FBXO48: variants seen among roughly 807,000 people sequenced by gnomAD.
The protein encoded by FBXO48 is F-box protein 48.
Under a neutral mutation model 14.3 loss-of-function variants are expected in FBXO48, and 12 were observed. The ratio of observed to expected loss-of-function variants is 0.84; its 90% CI spans 0.54 to 1.36. The LOEUF (loss-of-function observed/expected upper bound fraction) is 1.36. Ranked by LOEUF, FBXO48 falls within the 40% of genes most tolerant of loss-of-function variation. FBXO48 has a pLI of 0.00. For synonymous variants in FBXO48, 53 were observed against 61.7 expected (o/e 0.86, Z 0.66); for missense variants, 177 against 179.1 (o/e 0.99, Z 0.07).
rs1480612329 is a variant in FBXO48, at chr2:68,463,736, TAA to T, written c.*471_*472del. Reference sequence around the variant, plus strand: ...TCTGATTCCACTGAAATAGAAATGTTAAAGTCATTAAAATGTCAATGTATTAA... The same window carrying T: ...TCTGATTCCACTGAAATAGAAATGTTAGTCATTAAAATGTCAATGTATTAA... On this transcript the variant is annotated 3_prime_UTR_variant, in exon 4 of 4. Coordinates refer to ENST00000377957, the MANE Select transcript of FBXO48 (RefSeq NM_001024680.3). 1 of 153,946 alleles carries T rather than the reference TAA, an allele frequency of 6.5e-6. No individual in the cohort carries two copies. The highest frequency in any genetic ancestry group is 2.4e-5 in the African/African-American group (1 of 41,460). 9.5% of individuals were successfully genotyped at this position (153,946 alleles called of 1,614,324 possible). A position where few individuals can be genotyped will look rare whatever the true frequency, so the allele number is the denominator to read the frequency against.
Position 68,460,542 on chromosome 2 carries a change from A to G in FBXO48, c.*3667T>C. On this transcript the variant is annotated 3_prime_UTR_variant, in exon 4 of 4. Coordinates refer to ENST00000377957, the MANE Select transcript of FBXO48 (RefSeq NM_001024680.3). ...TTTGGATATATCAAATATTTTATATATATATATATATACTTATACTATCTT... is the reference window on the plus strand; with the variant it reads ...TTTGGATATATCAAATATTTTATATGTATATATATATACTTATACTATCTT... The G allele has an allele frequency of 6.6e-6, 1 of 150,376 alleles. No homozygotes were observed. Among genetic ancestry groups the G allele is most frequent in the African/African-American group, 2.4e-5 (1 of 41,254 alleles). 9.3% of individuals were successfully genotyped at this position (150,376 alleles called of 1,614,324 possible).
Position 68,459,741 on chromosome 2 carries a change from C to G in FBXO48, c.*4468G>C, listed in dbSNP as rs1051895762. On this transcript the variant is annotated 3_prime_UTR_variant, in exon 4 of 4. Coordinates refer to ENST00000377957, the MANE Select transcript of FBXO48 (RefSeq NM_001024680.3). ...CACAAAAATAAATAAAAAATGGTCC[C>G]TGCCATTAAGAAGTTCACAGTGTAA... is the stretch of plus-strand genomic sequence containing the variant. 2.6e-5 allele frequency: 4 copies of G among 151,970 alleles called. No homozygotes were observed. The highest frequency in any genetic ancestry group is 9.7e-5 in the African/African-American group (4 of 41,342). 9.4% of individuals were successfully genotyped at this position (151,970 alleles called of 1,614,324 possible).
Position 68,464,116 on chromosome 2 carries a change from C to A in FBXO48, c.*93G>T. The A allele has an allele frequency of 9.1e-7, 1 of 1,095,638 alleles. No homozygotes were observed. The highest frequency in any genetic ancestry group is 1.8e-5 in the South Asian group (1 of 56,456). The allele number at this position is 1,095,638 out of a possible 1,614,324, so 67.9% of individuals were successfully genotyped here. A position where few individuals can be genotyped will look rare whatever the true frequency, so the allele number is the denominator to read the frequency against. On this transcript the variant is annotated 3_prime_UTR_variant, in exon 4 of 4. Transcript: ENST00000377957. ...CATTTTCTTTTAAAAAGGTGAACAA[C>A]AAAATGAACGAATAAAGATATCGCT...
chr2:68,466,722 G>T (rs566414699), intron 1 of FBXO48, among the ~76,000 whole-genome samples: 2 of 152,292 alleles, frequency 1.3e-5, no homozygotes, highest in African/African-American at 4.8e-5. Context: ...TAACGGGAAT[G>T]AAGGCTTTTG....
In FBXO48 at chr2:68,460,584, A is replaced by C. The variant is rs566422616; in HGVS notation, c.*3625T>G. 2.7e-4 allele frequency: 41 copies of C among 151,748 alleles called. No individual in the cohort carries two copies. The East Asian group carries it at 4.6e-3, about 17-fold the overall frequency. The allele number at this position is 151,748 out of a possible 1,614,324, so 9.4% of individuals were successfully genotyped here. On this transcript the variant is annotated 3_prime_UTR_variant, in exon 4 of 4. Coordinates refer to ENST00000377957, the MANE Select transcript of FBXO48 (RefSeq NM_001024680.3). ...TACTATCTTTGGATAAAAATCCAAA[A>C]GATAATAGCATATGTATTTCTGGAA...
At chr2:68,466,955 G>A (rs911069707) in intron 1 of FBXO48, among the ~76,000 whole-genome samples, 2 of 152,142 alleles carry the variant, frequency 1.3e-5, no homozygotes, top group African/African-American at 4.8e-5. Flanking sequence ...GGAGGGGCGG[G>A]GAGCCCCACT....
rs1675258362 is a variant in FBXO48, at chr2:68,461,307, T to TTTTTTTTA, written c.*2901_*2902insTAAAAAAA. The TTTTTTTTA allele has an allele frequency of 6.9e-6, 1 of 145,362 alleles. No homozygotes were observed. The highest frequency in any genetic ancestry group is 2.7e-5 in the African/African-American group (1 of 37,482). The allele number at this position is 145,362 out of a possible 1,614,324, so 9.0% of individuals were successfully genotyped here. A position where few individuals can be genotyped will look rare whatever the true frequency, so the allele number is the denominator to read the frequency against. On this transcript the variant is annotated 3_prime_UTR_variant, in exon 4 of 4. Transcript: ENST00000377957. ...GTTTTCTTTTTTTTTTTTTTTTTTT[T>TTTTTTTTA]GAGACGGAGTCTCGCTCTGTCGCCC...
Position 68,464,891 on chromosome 2 carries a change from A to AC in FBXO48, c.254_255insG (p.Val86CysfsTer8), listed in dbSNP as rs1343890331. ...CATCATCTATTTCTCTTCGGCACAC[A>AC]GCTCTTACAGTCATGCAGTGAGGTT... On this transcript the variant is annotated frameshift_variant, in exon 3 of 4. Transcript: ENST00000377957. LOFTEE classifies it high-confidence loss of function. 1 of 1,613,678 alleles carries AC rather than the reference A, an allele frequency of 6.2e-7. No individual in the cohort carries two copies. Among genetic ancestry groups the AC allele is most frequent in the Non-Finnish European group, 8.5e-7 (1 of 1,180,008 alleles).
At position 68,464,218 on chromosome 2, in the gene FBXO48, C is replaced by T. The variant is rs753536356; in HGVS notation, c.459G>A (p.Leu153=). 32 of 1,613,196 alleles carry T rather than the reference C, an allele frequency of 2.0e-5. No individual in the cohort carries two copies. Among genetic ancestry groups the T allele is most frequent in the Middle Eastern group, 3.3e-4 (2 of 6,056 alleles). The change falls in exon 4 of 4, where the codon CTG becomes CTA. Residue 153 remains leucine, a synonymous_variant. Coordinates refer to ENST00000377957, the MANE Select transcript of FBXO48 (RefSeq NM_001024680.3). ...DTWGEILEAE[L]ER is the part of the protein sequence containing the mutation. ...GTGATTTTTTTTCCCCTTATCTTTC[C>T]AGTTCTGCTTCTAGAATTTCCCCCC...
intron 3 of FBXO48, among the ~76,000 whole-genome samples, 173 bp from the exon 4 acceptor site, chr2:68,464,543 T>A (rs1322456387): frequency 6.6e-6 from 1 of 152,180 alleles, no homozygotes; most frequent in East Asian, 1.9e-4. Context: ...ATATGTGTAT[T>A]TATACTGAGT....
At position 68,463,975 on chromosome 2, in the gene FBXO48, A is replaced by G. The variant is rs939455171; in HGVS notation, c.*234T>C. 2 of 414,590 alleles carry G rather than the reference A, an allele frequency of 4.8e-6. No homozygotes were observed. Among genetic ancestry groups the G allele is most frequent in the African/African-American group, 4.0e-5 (2 of 50,454 alleles). 25.7% of individuals were successfully genotyped at this position (414,590 alleles called of 1,614,324 possible). On this transcript the variant is annotated 3_prime_UTR_variant, in exon 4 of 4. Coordinates refer to ENST00000377957, the MANE Select transcript of FBXO48 (RefSeq NM_001024680.3). ...TGTATTTGGAAATCACTCTATCAGTATATTATTTCTTATAAAAATAACATT... is the reference window on the plus strand; with the variant it reads ...TGTATTTGGAAATCACTCTATCAGTGTATTATTTCTTATAAAAATAACATT...
chr2:68,464,497 T>A, intron 3 of FBXO48, 127 bp from the exon 4 acceptor site: 1 of 750,108 alleles, frequency 1.3e-6, no homozygotes, highest in Non-Finnish European at 2.2e-6. Context: ...ATACGTACAT[T>A]AATAAATGTA....
Position 68,459,997 on chromosome 2 carries a change from A to C in FBXO48, c.*4212T>G, listed in dbSNP as rs1435083625. The C allele has an allele frequency of 6.6e-6, 1 of 152,244 alleles. No homozygotes were observed. The highest frequency in any genetic ancestry group is 1.5e-5 in the Non-Finnish European group (1 of 68,052). The allele number at this position is 152,244 out of a possible 1,614,324, so 9.4% of individuals were successfully genotyped here. ...CAAACAGCCTGTGCAAAGGCAGAGA[A>C]GTGAGAAAATTTTTATGAAATAGTT... On this transcript the variant is annotated 3_prime_UTR_variant, in exon 4 of 4. Coordinates refer to ENST00000377957, the MANE Select transcript of FBXO48 (RefSeq NM_001024680.3).
chr2:68,466,019 G>A (rs1165914821), intron 2 of FBXO48, 125 bp downstream of exon 2: 1 of 152,184 alleles, frequency 6.6e-6, no homozygotes, highest in Non-Finnish European at 1.5e-5. Flanking sequence ...ACAAGCTAAG[G>A]ATAATAGTCA....
chr2:68,464,800 C>T (rs1245476770), intron 3 of FBXO48, 40 bp downstream of exon 3: 6 of 1,475,826 alleles, frequency 4.1e-6, no homozygotes, highest in East Asian at 2.3e-5. Context: ...GCTATCATAA[C>T]GCTGTCAACA....
In FBXO48 at chr2:68,464,823, G is replaced by C; in HGVS notation, c.306+17C>G. 3.2e-6 allele frequency: 5 copies of C among 1,584,456 alleles called. No individual in the cohort carries two copies. Among genetic ancestry groups the C allele is most frequent in the African/African-American group, 1.3e-5 (1 of 74,396 alleles). ...AACGCTGTCAACAACACTGCAGATC[G>C]CAAAGATTAAACTTACCCTCCAGGA... On this transcript the variant is annotated intron_variant, in intron 3 of 3. Transcript: ENST00000377957.
At chr2:68,464,767 G>T in intron 3 of FBXO48, 73 bp downstream of exon 3, 1 of 1,107,698 alleles carries the variant, frequency 9.0e-7, no homozygotes, top group Non-Finnish European at 1.3e-6. Flanking sequence ...CCTCCAAGCA[G>T]AAGTTAGAAT....
chr2:68,464,753 G>A (rs1675354830), intron 3 of FBXO48, 87 bp downstream of exon 3: 6 of 947,622 alleles, frequency 6.3e-6, no homozygotes, highest in Non-Finnish European at 9.7e-6. Flanking sequence ...ATGTAATTCT[G>A]ACTCCTCCAA....
chr2:68,462,795 G>C lies in FBXO48; in HGVS notation c.*1414C>G, dbSNP rs541933162. 1.3e-5 allele frequency: 2 copies of C among 152,422 alleles called. No individual in the cohort carries two copies. The highest frequency in any genetic ancestry group is 2.9e-5 in the Non-Finnish European group (2 of 68,054). 9.4% of individuals were successfully genotyped at this position (152,422 alleles called of 1,614,324 possible). ...AGTCTTCAAATATCTGGCAATCATAGACAGGAAGGACTGAATCAGCCTGGT... is the reference window on the plus strand; with the variant it reads ...AGTCTTCAAATATCTGGCAATCATACACAGGAAGGACTGAATCAGCCTGGT... On this transcript the variant is annotated 3_prime_UTR_variant, in exon 4 of 4. Coordinates refer to ENST00000377957, the MANE Select transcript of FBXO48 (RefSeq NM_001024680.3).
Sources: allele counts gnomAD v4.1 joint callset (sites outside exome capture counted in the v4.1 genomes callset), GRCh38; gene constraint gnomAD v4.1.1; transcripts MANE v1.5; gene names NCBI Gene and HGNC (gene_info 2026-07-23, HGNC 2026-07-21).